The following PRH1 variants were observed in gnomAD, a reference collection of about 807,000 sequenced individuals.
PRH1 encodes the protein proline rich protein HaeIII subfamily 1.
In PRH1, 7 loss-of-function variants were observed where a neutral mutation model predicts 7.9. The ratio of observed to expected loss-of-function variants is 0.89; its 90% CI spans 0.50 to 1.67. PRH1 has a LOEUF of 1.67. Ranked by LOEUF, PRH1 falls within the 40% of genes most tolerant of loss-of-function variation. The pLI is 0.00. For missense variants in PRH1, 109 were observed against 223.6 expected (o/e 0.49, Z 3.27); for synonymous variants, 45 against 80.8 (o/e 0.56, Z 2.38).
chr12:11,005,077 G>A (rs1334488100), intron 1 of PRH1, among the ~76,000 whole-genome samples: 2 of 152,010 alleles, frequency 1.3e-5, no homozygotes, highest in Non-Finnish European at 2.9e-5. Context: ...GTGCATTAAC[G>A]CTCTTGTTCT....
At chr12:11,164,840 G>T (rs115925110) in intron 1 of PRH1, among the ~76,000 whole-genome samples, 2 of 151,794 alleles carry the variant, frequency 1.3e-5, no homozygotes, top group Non-Finnish European at 2.9e-5. Flanking sequence ...TTTACTTTTG[G>T]CAAATTATAC....
chr12:10,912,198 T>C (rs1949910265), intron 2 of PRH1, among the ~76,000 whole-genome samples: 1 of 152,164 alleles, frequency 6.6e-6, no homozygotes, highest in Admixed American at 6.5e-5. Context: ...AGTTGGTTTA[T>C]TTTGAGTTTG....
At chr12:11,129,943 G>T (rs995360750) in intron 1 of PRH1, among the ~76,000 whole-genome samples, 1 of 152,194 alleles carries the variant, frequency 6.6e-6, no homozygotes, top group Non-Finnish European at 1.5e-5. Context: ...TTGAGCCCAG[G>T]AGTTTGAGAC....
At position 10,921,911 on chromosome 12, in the gene PRH1, G is replaced by A. The variant is rs139436023; in HGVS notation, c.-58-37636C>T. On this transcript the variant is annotated intron_variant, in intron 2 of 3. Transcript: ENST00000539853. ...CCTCCCTAGTAGCTGGGACTACAAA[G>A]GTGCACCACCATACCCGGCTAATTT... Among the ~76,000 whole-genome samples, 291 of 152,084 alleles carry A rather than the reference G, an allele frequency of 1.9e-3. 2 individuals are homozygous for A. Among genetic ancestry groups the A allele is most frequent in the African/African-American group, 6.7e-3 (277 of 41,490 alleles).
intron 1 of PRH1, among the ~76,000 whole-genome samples, chr12:11,102,114 T>C (rs930270517): frequency 2.0e-5 from 3 of 152,004 alleles, no homozygotes; most frequent in Admixed American, 2.0e-4. Flanking sequence ...TGGCCATACT[T>C]CCCAAGGTAA....
downstream of PRH1, among the ~76,000 whole-genome samples, chr12:11,116,968 T>A (rs1945748939): frequency 1.3e-5 from 2 of 152,078 alleles, no homozygotes; most frequent in South Asian, 4.1e-4. Flanking sequence ...AGTATCATAC[T>A]AAATTGGGAA....
chr12:10,921,725 AT>A (rs2135848512), intron 2 of PRH1, among the ~76,000 whole-genome samples: 2 of 152,180 alleles, frequency 1.3e-5, no homozygotes, highest in Admixed American at 1.3e-4. Context: ...TGCTGAGTCT[AT>A]GACTTGGGAA....
chr12:11,150,540 AATC>A (rs1308428110), intron 1 of PRH1, among the ~76,000 whole-genome samples: 1 of 152,160 alleles, frequency 6.6e-6, no homozygotes. Context: ...TGAAATTGGA[AATC>A]ATCATTCTCA....
intron 1 of PRH1, among the ~76,000 whole-genome samples, chr12:11,081,172 A>G (rs1591973934): frequency 1.5e-5 from 2 of 137,690 alleles, no homozygotes; most frequent in Non-Finnish European, 3.3e-5. Flanking sequence ...CTAGCTTTGT[A>G]TATTTCCATC....
intron 1 of PRH1, among the ~76,000 whole-genome samples, chr12:11,074,429 T>G (rs1347763028): frequency 8.9e-6 from 1 of 112,642 alleles, no homozygotes; most frequent in Non-Finnish European, 2.1e-5. Flanking sequence ...GGGTGTGAGG[T>G]CTAAGGGGAA....
rs1950544874 is a variant in PRH1, at chr12:10,949,979, T to G, written c.-59+23676A>C. Among the ~76,000 whole-genome samples the G allele has an allele frequency of 2.0e-5, 3 of 152,092 alleles. No individual in the cohort carries two copies. The South Asian group carries it at 6.2e-4, about 32-fold the overall frequency. ...CAAACTTCATATAAATTGAATTATA[T>G]TGAATATTTTTTCAATATTGATAAT... On this transcript the variant is annotated intron_variant, in intron 2 of 3. Coordinates refer to the PRH1 transcript ENST00000539853.
At chr12:11,003,095 G>T (rs1340201802) in intron 1 of PRH1, among the ~76,000 whole-genome samples, 1 of 151,938 alleles carries the variant, frequency 6.6e-6, no homozygotes, top group Non-Finnish European at 1.5e-5. Flanking sequence ...TTAGCATTAA[G>T]AATGTGGATG....
chr12:11,029,699 G>A (rs1942090860), intron 1 of PRH1, among the ~76,000 whole-genome samples: 1 of 148,286 alleles, frequency 6.7e-6, no homozygotes, highest in South Asian at 2.1e-4. Context: ...TATTAGAGAA[G>A]GGATTTTTTC....
intron 1 of PRH1, among the ~76,000 whole-genome samples, chr12:10,992,613 G>C (rs914425097): frequency 5.9e-5 from 9 of 152,208 alleles, no homozygotes; most frequent in African/African-American, 1.7e-4. Flanking sequence ...GGGTCTTGCT[G>C]TCTTGCCCAG....
chr12:10,981,096 T>C (rs1194878073), intron 1 of PRH1, among the ~76,000 whole-genome samples: 2 of 152,134 alleles, frequency 1.3e-5, no homozygotes, highest in South Asian at 2.1e-4. Flanking sequence ...GCTGAGCCAA[T>C]TCAGAGAAGC....
chr12:11,028,082 C>A (rs978800636), intron 1 of PRH1, among the ~76,000 whole-genome samples: 1 of 152,168 alleles, frequency 6.6e-6, no homozygotes. Context: ...ATTCCCCTGG[C>A]CAGCACCTTG....
chr12:11,077,982 G>C (rs1944356543), intron 1 of PRH1: 3 of 797,040 alleles, frequency 3.8e-6, no homozygotes, highest in South Asian at 2.7e-5. Context: ...TTATTGCTGA[G>C]ATATTAGAAG....
chr12:10,966,746 C>A (rs1938517583), intron 2 of PRH1, among the ~76,000 whole-genome samples: 1 of 152,152 alleles, frequency 6.6e-6, no homozygotes, highest in Non-Finnish European at 1.5e-5. Flanking sequence ...TATGTCCACC[C>A]TTGTTGTGTC....
chr12:11,076,151 C>T lies in PRH1; in HGVS notation n.124-28963G>A, dbSNP rs1386300716. On this transcript the variant is annotated intron_variant and non_coding_transcript_variant, in intron 1 of 4. Transcript: ENST00000541977. ...ACATAACAATGTTAAAATCTCATAA[C>T]ACCAAGAATTAACACAGTCATGCAG... Among the ~76,000 whole-genome samples the T allele has an allele frequency of 5.1e-4, 62 of 120,938 alleles. 16 individuals are homozygous for T. The highest frequency in any genetic ancestry group is 1.7e-3 in the African/African-American group (61 of 35,720). The allele number at this position is 120,938 out of a possible 152,430, so 79.3% of individuals were successfully genotyped here. A position where few individuals can be genotyped will look rare whatever the true frequency, so the allele number is the denominator to read the frequency against.
Sources: gnomAD v4.1 joint callset for allele counts (sites outside exome capture counted in the v4.1 genomes callset) on GRCh38, gnomAD v4.1.1 for gene constraint, MANE v1.5 for transcripts, NCBI Gene and HGNC (gene_info 2026-07-23, HGNC 2026-07-21) for gene names.